The following TRERF1 variants were observed in gnomAD, a reference collection of about 807,000 sequenced individuals.
TRERF1 encodes transcriptional-regulating factor 1.
Under a neutral mutation model 122.9 loss-of-function variants are expected in TRERF1, and 27 were observed. The observed-to-expected ratio is 0.22, with a 90% confidence interval of 0.16 to 0.30. The LOEUF is 0.30. Ranked by LOEUF, TRERF1 falls within the 10% of genes least tolerant of loss-of-function variation. The pLI is 1.00. For missense variants in TRERF1, 1,248 were observed against 1,560.3 expected, an observed-to-expected ratio of 0.80 and a Z score of 3.37; for synonymous variants, 636 against 641.7, an observed-to-expected ratio of 0.99 and a Z score of 0.13.
chr6:42,317,537 T>C (rs1474810104), intron 3 of TRERF1, among the ~76,000 whole-genome samples: 1 of 152,024 alleles, frequency 6.6e-6, no homozygotes, highest in Non-Finnish European at 1.5e-5. Context: ...AAATTTTTTA[T>C]AGAGACAGGG....
At chr6:42,270,551 A>T (rs148144183) in intron 4 of TRERF1, among the ~76,000 whole-genome samples, 1 of 152,322 alleles carries the variant, frequency 6.6e-6, no homozygotes, top group African/African-American at 2.4e-5. Context: ...GAAATGACTA[A>T]GACATAGGCC....
intron 15 of TRERF1, among the ~76,000 whole-genome samples, chr6:42,241,692 C>T (rs1415128199): frequency 6.6e-5 from 10 of 152,032 alleles, no homozygotes; most frequent in African/African-American, 2.4e-4. Context: ...GAACTCCTGA[C>T]CTTAGATGAT....
intron 8 of TRERF1, among the ~76,000 whole-genome samples, chr6:42,260,025 T>A (rs1049685314): frequency 3.3e-5 from 5 of 152,088 alleles, no homozygotes; most frequent in Non-Finnish European, 7.4e-5. Flanking sequence ...TATCACTACA[T>A]TCCCATCTGT....
At chr6:42,451,055 G>A (rs529731108) in intron 2 of TRERF1, 122 bp downstream of exon 2, 1 of 152,074 alleles carries the variant, frequency 6.6e-6, no homozygotes, top group African/African-American at 2.4e-5. Flanking sequence ...AAGTAAAGGG[G>A]GGGGAGACTT....
At chr6:42,370,002 T>C (rs912743166) in intron 2 of TRERF1, among the ~76,000 whole-genome samples, 2 of 152,178 alleles carry the variant, frequency 1.3e-5, no homozygotes, top group Admixed American at 1.3e-4. Flanking sequence ...GTACAAGCCA[T>C]ACTAACAGTT....
chr6:42,318,822 C>T (rs910837905), intron 3 of TRERF1, among the ~76,000 whole-genome samples: 1 of 152,220 alleles, frequency 6.6e-6, no homozygotes, highest in Non-Finnish European at 1.5e-5. Flanking sequence ...TTGTTTGATT[C>T]CTGTATTGGG....
chr6:42,389,984 T>C (rs1777443936), intron 2 of TRERF1, among the ~76,000 whole-genome samples: 1 of 152,268 alleles, frequency 6.6e-6, no homozygotes, highest in East Asian at 1.9e-4. Context: ...GGAGGCATTT[T>C]AAGCTTGACG....
chr6:42,365,723 T>A (rs914386880), intron 2 of TRERF1, among the ~76,000 whole-genome samples: 17 of 152,196 alleles, frequency 1.1e-4, no homozygotes, highest in Non-Finnish European at 2.2e-4. Context: ...TTCCCTCTCG[T>A]CTTTTCTACA....
At chr6:42,444,780 T>A (rs558504504) in intron 2 of TRERF1, among the ~76,000 whole-genome samples, 1 of 152,282 alleles carries the variant, frequency 6.6e-6, no homozygotes, top group African/African-American at 2.4e-5. Context: ...CTCTTTCCCT[T>A]GTGCACATCC....
intron 3 of TRERF1, among the ~76,000 whole-genome samples, chr6:42,332,245 G>A (rs2150582954): frequency 6.6e-6 from 1 of 152,340 alleles, no homozygotes; most frequent in South Asian, 2.1e-4. Context: ...GCCCAGCGGG[G>A]AAACATTCTA....
At position 42,389,714 on chromosome 6, in the gene TRERF1, C is replaced by T. The variant is rs368721855; in HGVS notation, c.-453-26635G>A. Among the ~76,000 whole-genome samples the T allele has an allele frequency of 1.4e-4, 22 of 152,334 alleles. 1 individual carries two copies. The South Asian group carries it at 3.9e-3, about 27-fold the overall frequency. ...GTAAAGTGAGGCAATTCAGGTGAAGCCCACACAAACACATAGCTCTTATCA... is the reference window on the plus strand; with the variant it reads ...GTAAAGTGAGGCAATTCAGGTGAAGTCCACACAAACACATAGCTCTTATCA... On this transcript the variant is annotated intron_variant, in intron 2 of 17. Coordinates refer to ENST00000372922, the Ensembl canonical transcript of TRERF1.
chr6:42,245,485 C>G (rs981995176), intron 14 of TRERF1, among the ~76,000 whole-genome samples: 3 of 152,198 alleles, frequency 2.0e-5, no homozygotes, highest in Non-Finnish European at 4.4e-5. Flanking sequence ...TCTTTGTGTA[C>G]CTGAACAGCC....
intron 2 of TRERF1, among the ~76,000 whole-genome samples, chr6:42,368,702 A>G (rs1773207662): frequency 6.6e-6 from 1 of 152,198 alleles, no homozygotes; most frequent in African/African-American, 2.4e-5. Context: ...ATTAAAGATT[A>G]AAGTCCACGC....
intron 3 of TRERF1, among the ~76,000 whole-genome samples, chr6:42,361,185 G>A (rs1399362244): frequency 6.6e-6 from 1 of 152,270 alleles, no homozygotes; most frequent in Non-Finnish European, 1.5e-5. Flanking sequence ...CTTCCATGAC[G>A]TAAGGACACA....
At chr6:42,435,373 G>A (rs56810219) in intron 2 of TRERF1, among the ~76,000 whole-genome samples, 2,944 of 151,966 alleles carry the variant, frequency 0.019, 87 homozygotes, top group African/African-American at 0.067. Context: ...ATACAGAGCC[G>A]AGTGCATCTA....
At chr6:42,352,456 A>G (rs896390893) in intron 3 of TRERF1, among the ~76,000 whole-genome samples, 2 of 152,276 alleles carry the variant, frequency 1.3e-5, no homozygotes, top group African/African-American at 4.8e-5. Context: ...CCACAAACAT[A>G]TCTTATTTGG....
intron 3 of TRERF1, among the ~76,000 whole-genome samples, chr6:42,324,222 A>G (rs1561990197): frequency 6.6e-6 from 1 of 152,208 alleles, no homozygotes; most frequent in African/African-American, 2.4e-5. Flanking sequence ...TCTCTACAAG[A>G]ACTACAAAAC....
intron 6 of TRERF1, 145 bp from the exon 7 acceptor site, chr6:42,264,999 G>C: frequency 1.2e-6 from 1 of 862,644 alleles, no homozygotes; most frequent in Non-Finnish European, 1.7e-6. Flanking sequence ...TATCACCCCA[G>C]TGCCCTTTAG....
At chr6:42,376,114 C>A (rs1000627146) in intron 2 of TRERF1, among the ~76,000 whole-genome samples, 4 of 152,104 alleles carry the variant, frequency 2.6e-5, no homozygotes, top group African/African-American at 9.7e-5. Flanking sequence ...TTGGGGTCAG[C>A]CCAATCAGTG....
Sources: allele counts gnomAD v4.1 joint callset (sites outside exome capture counted in the v4.1 genomes callset), GRCh38; gene constraint gnomAD v4.1.1; transcripts MANE v1.5; gene names NCBI Gene and HGNC (gene_info 2026-07-23, HGNC 2026-07-21).